ZC3H12B: variants seen among roughly 807,000 people sequenced by gnomAD.
ZC3H12B encodes the protein zinc finger CCCH-type containing 12B.
ZC3H12B carries 7 observed loss-of-function variants against 43.9 expected under a neutral mutation model. The observed-to-expected ratio is 0.16, with a 90% CI of 0.09 to 0.30. ZC3H12B has a LOEUF of 0.30. Ranked by LOEUF, ZC3H12B falls within the 10% of genes least tolerant of loss-of-function variation. ZC3H12B has a pLI of 1.00. For missense variants in ZC3H12B, 475 were observed against 670.2 expected, an observed-to-expected ratio of 0.71 and a Z score of 3.22; for synonymous variants, 222 against 241.7, an observed-to-expected ratio of 0.92 and a Z score of 0.76.
At chrX:65,414,382 A>G (rs935184733) in intron 3 of ZC3H12B, among the ~76,000 whole-genome samples, 3 of 110,878 alleles carry the variant, frequency 2.7e-5, no homozygotes, top group Non-Finnish European at 5.7e-5. Flanking sequence ...GAAGTGTTCT[A>G]TGTTTTTCTA....
At chrX:65,197,430 T>C in the ZC3H12B span, among the ~76,000 whole-genome samples, 2 of 112,186 alleles carry the variant, frequency 1.8e-5, no homozygotes, top group Admixed American at 1.9e-4. Flanking sequence ...AAGACCTCTT[T>C]CTAATAATGG....
the ZC3H12B span, among the ~76,000 whole-genome samples, chrX:65,201,223 T>C: frequency 8.9e-6 from 1 of 111,872 alleles, no homozygotes; most frequent in Non-Finnish European, 1.9e-5. Flanking sequence ...CCTCAATTTC[T>C]GAACTCAGTA....
chrX:65,328,426 G>A, the ZC3H12B span: 32 of 252,087 alleles, frequency 1.3e-4, no homozygotes, highest in Non-Finnish European at 2.3e-4. Flanking sequence ...TGTTTTTGCT[G>A]GTAATTAAGT....
chrX:65,299,538 G>A, the ZC3H12B span, among the ~76,000 whole-genome samples: 1 of 112,034 alleles, frequency 8.9e-6, no homozygotes, highest in East Asian at 2.8e-4. Flanking sequence ...CAGAAAGAGG[G>A]GAGGTTCCTG....
chrX:65,496,682 G>A (rs1014098643), intron 1 of ZC3H12B, among the ~76,000 whole-genome samples: 2 of 111,903 alleles, frequency 1.8e-5, no homozygotes, highest in African/African-American at 3.2e-5. Context: ...ATGGCTGGCC[G>A]CAGTGGCTTA....
the ZC3H12B span, among the ~76,000 whole-genome samples, chrX:65,226,387 G>T: frequency 0.13 from 14,658 of 110,900 alleles, 2,357 homozygotes; most frequent in African/African-American, 0.45. Flanking sequence ...AACATGGAAA[G>T]GAACAACCGG....
At chrX:65,149,180 A>C in the ZC3H12B span, among the ~76,000 whole-genome samples, 1 of 111,215 alleles carries the variant, frequency 9.0e-6, no homozygotes, top group African/African-American at 3.3e-5. Flanking sequence ...GGAAAGATGC[A>C]TCAAGTGTTC....
At chrX:65,472,976 G>GTGTA (rs1238740049) in intron 3 of ZC3H12B, among the ~76,000 whole-genome samples, 7 of 73,485 alleles carry the variant, frequency 9.5e-5, no homozygotes, top group African/African-American at 1.6e-4. Flanking sequence ...GTATGTGTGT[G>GTGTA]TATATATATA....
At chrX:65,297,488 A>T in the ZC3H12B span, among the ~76,000 whole-genome samples, 2 of 111,876 alleles carry the variant, frequency 1.8e-5, no homozygotes, top group Non-Finnish European at 3.8e-5. Flanking sequence ...CTACTGAAAG[A>T]AATTATATAT....
chrX:65,156,209 T>G, the ZC3H12B span, among the ~76,000 whole-genome samples: 2,137 of 111,005 alleles, frequency 0.019, 57 homozygotes, highest in African/African-American at 0.067. Context: ...TTTTTTCTTT[T>G]AAGACAGGGT....
chrX:65,366,662 C>A (rs1254669702), exon 1 of ZC3H12B: 4 of 111,804 alleles, frequency 3.6e-5, no homozygotes, highest in Non-Finnish European at 7.5e-5. Context: ...AGCCAAGTTG[C>A]AAGATACCAC....
chrX:65,188,296 C>T, the ZC3H12B span, among the ~76,000 whole-genome samples: 9 of 109,954 alleles, frequency 8.2e-5, no homozygotes, highest in Admixed American at 4.9e-4. Flanking sequence ...TTTCAATATA[C>T]TGATTTCCTT....
chrX:65,116,576 T>C, the ZC3H12B span, among the ~76,000 whole-genome samples: 53 of 110,829 alleles, frequency 4.8e-4, no homozygotes, highest in African/African-American at 1.6e-3. Flanking sequence ...TTTTCTTTTT[T>C]TTATTATACT....
At chrX:65,366,329 G>A (rs974212402), upstream of ZC3H12B, among the ~76,000 whole-genome samples, 2 of 111,598 alleles carry the variant, frequency 1.8e-5, no homozygotes, top group African/African-American at 3.3e-5. Context: ...TCTTCTTCAT[G>A]ATGGTCATCT....
the ZC3H12B span, among the ~76,000 whole-genome samples, chrX:65,278,031 A>G: frequency 1.8e-5 from 2 of 111,931 alleles, no homozygotes; most frequent in Middle Eastern, 4.2e-3. Flanking sequence ...AAGGCAACCC[A>G]ACTTCAAAAA....
intron 3 of ZC3H12B, among the ~76,000 whole-genome samples, chrX:65,467,161 C>T (rs1263594785): frequency 9.5e-6 from 1 of 105,201 alleles, no homozygotes; most frequent in Non-Finnish European, 2.0e-5. Context: ...CTTTGCATAC[C>T]CATAGCTTAG....
chrX:65,168,109 G>C, the ZC3H12B span, among the ~76,000 whole-genome samples: 2 of 111,660 alleles, frequency 1.8e-5, no homozygotes, highest in Non-Finnish European at 3.8e-5. Context: ...TCCCTGTCTT[G>C]TGCCACTTTT....
chrX:65,227,266 C>G, the ZC3H12B span, among the ~76,000 whole-genome samples: 22 of 111,555 alleles, frequency 2.0e-4, no homozygotes, highest in African/African-American at 6.8e-4. Context: ...ACTGAACAAC[C>G]TGCTCCTGAA....
the ZC3H12B span, among the ~76,000 whole-genome samples, chrX:65,198,063 A>T: frequency 8.9e-6 from 1 of 111,941 alleles, no homozygotes; most frequent in East Asian, 2.8e-4. Context: ...GCAATGATTA[A>T]GCCGACCTTC....
Sources: gnomAD v4.1 joint callset for allele counts (sites outside exome capture counted in the v4.1 genomes callset) on GRCh38, gnomAD v4.1.1 for gene constraint, MANE v1.5 for transcripts, NCBI Gene and HGNC (gene_info 2026-07-23, HGNC 2026-07-21) for gene names.